Variants in RASA3 observed in about 807,000 individuals in gnomAD.
RASA3 encodes RAS p21 protein activator 3.
A neutral mutation model predicts 110.0 loss-of-function variants in RASA3; 73 were observed. That is an observed-to-expected ratio of 0.66 (90% CI 0.55 to 0.81). The LOEUF is 0.81. RASA3 is among the 30% of genes least tolerant of loss of function. RASA3 has a pLI of 0.00. For synonymous variants in RASA3, 500 were observed against 451.4 expected (o/e 1.11, Z -1.37); for missense variants, 976 against 1,113.2 (o/e 0.88, Z 1.75).
At chr13:114,100,880 G>T (rs1433165203) in intron 1 of RASA3, among the ~76,000 whole-genome samples, 3 of 152,246 alleles carry the variant, frequency 2.0e-5, no homozygotes, top group African/African-American at 7.2e-5. Context: ...GGACTGCGGG[G>T]CCTCAACTGC....
intron 1 of RASA3, among the ~76,000 whole-genome samples, chr13:114,107,333 C>A (rs765743723): frequency 5.5e-4 from 83 of 151,970 alleles, no homozygotes; most frequent in African/African-American, 1.9e-3. Flanking sequence ...GTCCCTCCTT[C>A]GTGTCCTGAC....
At chr13:114,055,725 C>T (rs541539564) in intron 2 of RASA3, among the ~76,000 whole-genome samples, 13 of 152,326 alleles carry the variant, frequency 8.5e-5, no homozygotes, top group African/African-American at 2.4e-4. Context: ...CTGGACTTGG[C>T]GTTTCCAGCC....
At chr13:114,038,444 G>C (rs1281550150) in intron 4 of RASA3, among the ~76,000 whole-genome samples, 1 of 152,250 alleles carries the variant, frequency 6.6e-6, no homozygotes, top group Non-Finnish European at 1.5e-5. Flanking sequence ...GGGTTCCCCA[G>C]CCAGTGCTTT....
At position 114,065,569 on chromosome 13, in the gene RASA3, A is replaced by C. The variant is rs562656500; in HGVS notation, c.173+8151T>G. 5.3e-5 allele frequency among the ~76,000 whole-genome samples: 8 copies of C among 152,216 alleles called. No homozygotes were observed. The East Asian group carries it at 1.5e-3, about 29-fold the overall frequency. ...GCCAGGGAAAATGCTCCATCTCCGC[A>C]AAGGACAGGAGGCAAAACACACCCA... On this transcript the variant is annotated intron_variant, in intron 2 of 23. Transcript: ENST00000334062. The surrounding 1 kb of genome is among the most constrained non-coding windows in gnomAD (Gnocchi z 4.1).
rs1049179455 is a variant in RASA3 at position 114,014,944 on chromosome 13, G to A, written c.1405+265C>T. ...GCTGGGCCCCTCTAGAGACCACTGC[G>A]GTGGTGATCTCCAGGGCTGGGGTCC... On this transcript the variant is annotated intron_variant, in intron 14 of 23. Coordinates refer to ENST00000334062, the MANE Select transcript of RASA3 (RefSeq NM_007368.4). The surrounding 1 kb of genome is among the most constrained non-coding windows in gnomAD (Gnocchi z 4.5). Among the ~76,000 whole-genome samples the A allele has an allele frequency of 3.9e-5, 6 of 152,050 alleles. No individual in the cohort carries two copies. The highest frequency in any genetic ancestry group is 9.7e-5 in the African/African-American group (4 of 41,390).
chr13:114,033,324 G>A lies in RASA3; in HGVS notation c.373-3437C>T, dbSNP rs529566861. 1.1e-4 allele frequency among the ~76,000 whole-genome samples: 6 copies of A among 53,162 alleles called. No homozygotes were observed. In the East Asian group the frequency reaches 2.1e-3, roughly 18 times the overall value. The allele number at this position is 53,162 out of a possible 152,430, so 34.9% of individuals were successfully genotyped here. A position where few individuals can be genotyped will look rare whatever the true frequency, so the allele number is the denominator to read the frequency against. On this transcript the variant is annotated intron_variant, in intron 4 of 23. Coordinates refer to ENST00000334062, the MANE Select transcript of RASA3 (RefSeq NM_007368.4). ...ACGGCACCCCCACACTTGATACCAC[G>A]TTCCACGGCACCCCCACACTGACAC...
Position 114,132,516 on chromosome 13 carries a change from C to G in RASA3, c.-27G>C. ...CTGCGCGTCCGCGCCCGCCGAGCCTCGCCCCAAGCGCGCGCCGAGCCCGGG... is the reference window on the plus strand; with the variant it reads ...CTGCGCGTCCGCGCCCGCCGAGCCTGGCCCCAAGCGCGCGCCGAGCCCGGG... On this transcript the variant is annotated 5_prime_UTR_variant, in exon 1 of 24. Coordinates refer to ENST00000334062, the MANE Select transcript of RASA3 (RefSeq NM_007368.4). The G allele has an allele frequency of 1.4e-6, 2 of 1,465,766 alleles. No homozygotes were observed. The highest frequency in any genetic ancestry group is 9.0e-7 in the Non-Finnish European group (1 of 1,110,532). The allele number at this position is 1,465,766 out of a possible 1,614,324, so 90.8% of individuals were successfully genotyped here.
intron 1 of RASA3, among the ~76,000 whole-genome samples, chr13:114,074,983 C>T (rs889232196): frequency 3.3e-5 from 5 of 152,140 alleles, no homozygotes; most frequent in East Asian, 1.9e-4. Flanking sequence ...GTAAAAAAAA[C>T]GCCTCAAACA....
chr13:114,070,881 C>T (rs1327621034), intron 2 of RASA3, among the ~76,000 whole-genome samples: 5 of 138,232 alleles, frequency 3.6e-5, no homozygotes, highest in Admixed American at 7.4e-5. Context: ...GCAGGGCTGC[C>T]GGCGTCCACG....
At chr13:114,118,415 T>G (rs564654543) in intron 1 of RASA3, among the ~76,000 whole-genome samples, 4 of 152,230 alleles carry the variant, frequency 2.6e-5, no homozygotes, top group African/African-American at 9.6e-5. Context: ...CAAGTAAAAC[T>G]AAAAGCTTTT....
At chr13:114,012,376 T>C in intron 15 of RASA3, among the ~76,000 whole-genome samples, 1 of 131,158 alleles carries the variant, frequency 7.6e-6, no homozygotes, top group African/African-American at 3.0e-5. Flanking sequence ...CCACACACCT[T>C]CCACACTCCC....
intron 4 of RASA3, 78 bp from the exon 5 acceptor site, chr13:114,029,965 G>A: frequency 6.6e-6 from 9 of 1,362,516 alleles, no homozygotes; most frequent in Non-Finnish European, 7.1e-6. Context: ...CCCAGGGAAA[G>A]CCTAGAGGGC....
At chr13:114,016,377 TC>T in intron 12 of RASA3, 106 bp from the exon 13 acceptor site, 2 of 886,718 alleles carry the variant, frequency 2.3e-6, no homozygotes, top group Non-Finnish European at 3.7e-6. Flanking sequence ...CTGAGCCTCA[TC>T]CAGAAAATGC....
In RASA3 at chr13:114,132,561, G is replaced by A; in HGVS notation, c.-72C>T. On this transcript the variant is annotated 5_prime_UTR_variant, in exon 1 of 24. Transcript: ENST00000334062. ...CCCGGGCAGCTCAGGCCGAGCAGGAGGAGCGGCGGCGCCGGAGCCCCGAGC... is the reference window on the plus strand; with the variant it reads ...CCCGGGCAGCTCAGGCCGAGCAGGAAGAGCGGCGGCGCCGGAGCCCCGAGC... 1 of 1,226,188 alleles carries A rather than the reference G, an allele frequency of 8.2e-7. No individual in the cohort carries two copies. Among genetic ancestry groups the A allele is most frequent in the Non-Finnish European group, 1.0e-6 (1 of 980,906 alleles). The allele number at this position is 1,226,188 out of a possible 1,614,324, so 76.0% of individuals were successfully genotyped here. A position where few individuals can be genotyped will look rare whatever the true frequency, so the allele number is the denominator to read the frequency against.
chr13:114,093,124 C>G (rs1431755716), intron 1 of RASA3, among the ~76,000 whole-genome samples: 2 of 152,200 alleles, frequency 1.3e-5, no homozygotes, highest in African/African-American at 4.8e-5. Context: ...TTGTGTCTTT[C>G]ATTCTTCTTA....
At chr13:113,979,842 C>A (rs1464768064) in intron 23 of RASA3, among the ~76,000 whole-genome samples, 1 of 151,892 alleles carries the variant, frequency 6.6e-6, no homozygotes, top group Non-Finnish European at 1.5e-5. Flanking sequence ...CACATGCACA[C>A]CTCCCTCATA....
At chr13:114,100,784 G>C (rs536648454) in intron 1 of RASA3, among the ~76,000 whole-genome samples, 4 of 152,162 alleles carry the variant, frequency 2.6e-5, no homozygotes, top group Admixed American at 1.3e-4. Context: ...ACACTCCAAG[G>C]CCCCAGGGAC....
chr13:114,123,089 G>A lies in RASA3; in HGVS notation c.55+9346C>T, dbSNP rs185738229. 1.7e-3 allele frequency among the ~76,000 whole-genome samples: 262 copies of A among 152,320 alleles called. 1 individual carries two copies. The highest frequency in any genetic ancestry group is 4.7e-3 in the Admixed American group (72 of 15,310). On this transcript the variant is annotated intron_variant, in intron 1 of 23. Coordinates refer to ENST00000334062, the MANE Select transcript of RASA3 (RefSeq NM_007368.4). Reference sequence around the variant, plus strand: ...CCGGCATGGAGACGCTCCTGCTGCCGGCATGGCTTTGGGGACAGCACTTTG... The same window carrying A: ...CCGGCATGGAGACGCTCCTGCTGCCAGCATGGCTTTGGGGACAGCACTTTG...
intron 17 of RASA3, among the ~76,000 whole-genome samples, chr13:114,009,122 G>GGGCTCTGAGGGC (rs1228189233): frequency 1.3e-5 from 2 of 152,226 alleles, no homozygotes; most frequent in Non-Finnish European, 2.9e-5. Context: ...CTCATTCGGG[G>GGGCTCTGAGGGC]GGCTCAGACA....
Sources: allele counts gnomAD v4.1 joint callset (sites outside exome capture counted in the v4.1 genomes callset), GRCh38; gene constraint gnomAD v4.1.1; non-coding constraint Gnocchi (gnomAD v3.1); transcripts MANE v1.5; gene names NCBI Gene and HGNC (gene_info 2026-07-23, HGNC 2026-07-21).